Variants in EID2 observed in about 807,000 individuals in gnomAD.
EID2 encodes EP300 interacting inhibitor of differentiation 2.
In EID2, 1 loss-of-function variant was observed where a neutral mutation model predicts 2.6. That is an observed-to-expected ratio of 0.39 (90% CI 0.14 to 1.85). The LOEUF is 1.85. EID2 is among the 40% of genes most tolerant of loss of function. EID2 has a pLI of 0.32. For missense variants in EID2, 285 were observed against 338.4 expected, an observed-to-expected ratio of 0.84 and a Z score of 1.24; for synonymous variants, 126 against 147.2, an observed-to-expected ratio of 0.86 and a Z score of 1.04.
Position 39,539,288 on chromosome 19 carries a change from A to G in EID2, c.*81T>C. ...CCTGTGCACTGTCTTATCGCGATAT[A>G]CTCTTGACTTCTGAAAATCAAGTTG... is the stretch of plus-strand genomic sequence containing the variant. On this transcript the variant is annotated 3_prime_UTR_variant, in exon 1 of 1. Transcript: ENST00000390658. The G allele has an allele frequency of 7.6e-7, 1 of 1,318,260 alleles. No individual in the cohort carries two copies. The highest frequency in any genetic ancestry group is 1.3e-5 in the South Asian group (1 of 75,826). 81.7% of individuals were successfully genotyped at this position (1,318,260 alleles called of 1,614,324 possible). A position where few individuals can be genotyped will look rare whatever the true frequency, so the allele number is the denominator to read the frequency against.
In EID2 at chr19:39,539,095, C is replaced by G. The variant is rs1972051994; in HGVS notation, c.*274G>C. ...CTCAATTTTATAAAACCATCCTTTA[C>G]TTTGTAATAAAGCAATGCTGAGAGA... On this transcript the variant is annotated 3_prime_UTR_variant, in exon 1 of 1. Transcript: ENST00000390658. 2.8e-6 allele frequency: 1 copy of G among 352,454 alleles called. No homozygotes were observed. The highest frequency in any genetic ancestry group is 5.2e-6 in the Non-Finnish European group (1 of 191,400). The allele number at this position is 352,454 out of a possible 1,614,324, so 21.8% of individuals were successfully genotyped here.
At position 39,540,071 on chromosome 19, in the gene EID2, C is replaced by T. The variant is rs1482051554; in HGVS notation, c.9G>A (p.Lys3=). 1.9e-6 allele frequency: 3 copies of T among 1,596,140 alleles called. No homozygotes were observed. Among genetic ancestry groups the T allele is most frequent in the Non-Finnish European group, 2.6e-6 (3 of 1,174,874 alleles). Residue 3 remains lysine, a synonymous_variant, in exon 1 of 1, where the codon AAG becomes AAA. Transcript: ENST00000390658. ...GCGGGACACTGCTGTCTGCGGGCAG[C>T]TTGGACATCTCAGACCGTGGGGTCA... MS[K]LPADSSVPQT...
In EID2 at chr19:39,539,798, GCTTTCC is replaced by G. The variant is rs1972062712; in HGVS notation, c.276_281del (p.Arg92_Glu93del). On this transcript the variant is annotated inframe_deletion, in exon 1 of 1. Transcript: ENST00000390658. ...CTTCCCTGGCCGCCGCCGCCGCCGG[GCTTTCC>G]CTGCCCGCCGCGGCTGCCCTGGCCA... 6.3e-7 allele frequency: 1 copy of G among 1,583,608 alleles called. No homozygotes were observed. Among genetic ancestry groups the G allele is most frequent in the African/African-American group, 1.4e-5 (1 of 74,062 alleles).
rs769119346 is a variant in EID2, at chr19:39,540,119, T to C, written c.-40A>G. 1.9e-6 allele frequency: 3 copies of C among 1,582,454 alleles called. No individual in the cohort carries two copies. The highest frequency in any genetic ancestry group is 1.7e-6 in the Non-Finnish European group (2 of 1,165,982). The stretch of plus-strand genomic sequence containing the variant: ...TCAACTCGGCTGCTCCCAGAGAAAC[T>C]GGAATAACTGGACAGAGCGATGCCC... On this transcript the variant is annotated 5_prime_UTR_variant, in exon 1 of 1. Transcript: ENST00000390658.
chr19:39,539,869 C>T lies in EID2; in HGVS notation c.211G>A (p.Ala71Thr). ...GRMAAARAAP[A>T]AAARGAPVAA... Reference sequence around the variant, plus strand: ...ACCGGGGCTCCCCTGGCTGCCGCCGCCGGGGCTGCCCTGGCCGCCGCCATC... The same window carrying T: ...ACCGGGGCTCCCCTGGCTGCCGCCGTCGGGGCTGCCCTGGCCGCCGCCATC... Residue 71 changes from alanine to threonine, a missense_variant, in exon 1 of 1, where the codon GCG (alanine) becomes ACG (threonine). Transcript: ENST00000390658. 1 of 1,316,272 alleles carries T rather than the reference C, an allele frequency of 7.6e-7. No individual in the cohort carries two copies. The highest frequency in any genetic ancestry group is 9.6e-7 in the Non-Finnish European group (1 of 1,038,712). 81.5% of individuals were successfully genotyped at this position (1,316,272 alleles called of 1,614,324 possible). A position where few individuals can be genotyped will look rare whatever the true frequency, so the allele number is the denominator to read the frequency against.
chr19:39,539,897 A>G lies in EID2; in HGVS notation c.183T>C (p.Gly61=), dbSNP rs981652286. 1 of 1,410,606 alleles carries G rather than the reference A, an allele frequency of 7.1e-7. No individual in the cohort carries two copies. The highest frequency in any genetic ancestry group is 1.5e-5 in the South Asian group (1 of 67,764). The allele number at this position is 1,410,606 out of a possible 1,614,324, so 87.4% of individuals were successfully genotyped here. The change falls in exon 1 of 1, where the codon GGT becomes GGC. Residue 61 remains glycine (G), a synonymous_variant. Coordinates refer to ENST00000390658, the MANE Select transcript of EID2 (RefSeq NM_153232.4). The part of the protein sequence containing the change: ...RGGPVPAARE[G]RMAAARAAPA... ...GGGCTGCCCTGGCCGCCGCCATCCG[A>G]CCTTCCCTGGCCGCCGGCACCGGGC... is the stretch of plus-strand genomic sequence containing the variant.
chr19:39,539,431 A>C lies in EID2; in HGVS notation c.649T>G (p.Ser217Ala), dbSNP rs1160660599. ...ILTFTIALTA[S>A]EVINPLIEEL... ...TCTATCAGAGGGTTGATAACTTCAGAGGCAGTCAGAGCTATCGTAAAGGTT... is the reference window on the plus strand; with the variant it reads ...TCTATCAGAGGGTTGATAACTTCAGCGGCAGTCAGAGCTATCGTAAAGGTT... Residue 217 changes from serine (S) to alanine (A), a missense_variant, in exon 1 of 1, where the codon TCT (serine) becomes GCT (alanine). Transcript: ENST00000390658. 6.2e-7 allele frequency: 1 copy of C among 1,614,222 alleles called. No homozygotes were observed. Among genetic ancestry groups the C allele is most frequent in the Admixed American group, 1.7e-5 (1 of 60,022 alleles).
At position 39,539,114 on chromosome 19, in the gene EID2, TGA is replaced by T; in HGVS notation, c.*253_*254del. ...CCTTTACTTTGTAATAAAGCAATGC[TGA>T]GAGACATTTTCCATAATGCAGGGGG... is the stretch of plus-strand genomic sequence containing the variant. On this transcript the variant is annotated 3_prime_UTR_variant, in exon 1 of 1. Coordinates refer to ENST00000390658, the MANE Select transcript of EID2 (RefSeq NM_153232.4). The T allele has an allele frequency of 2.4e-6, 1 of 424,942 alleles. No individual in the cohort carries two copies. The highest frequency in any genetic ancestry group is 4.3e-6 in the Non-Finnish European group (1 of 234,812). 26.3% of individuals were successfully genotyped at this position (424,942 alleles called of 1,614,324 possible). A position where few individuals can be genotyped will look rare whatever the true frequency, so the allele number is the denominator to read the frequency against.
At position 39,539,346 on chromosome 19, in the gene EID2, C is replaced by T. The variant is rs8105143; in HGVS notation, c.*23G>A. Reference sequence around the variant, plus strand: ...GGTATGACTGGAATGCAGAGGTTCTCTTGAAGTAGTGTCACCACATAACTA... The same window carrying T: ...GGTATGACTGGAATGCAGAGGTTCTTTTGAAGTAGTGTCACCACATAACTA... On this transcript the variant is annotated 3_prime_UTR_variant, in exon 1 of 1. Coordinates refer to ENST00000390658, the MANE Select transcript of EID2 (RefSeq NM_153232.4). 4,988 of 1,596,100 alleles carry T rather than the reference C, an allele frequency of 3.1e-3. 150 individuals are homozygous for T. The African/African-American group carries it at 0.06, about 19-fold the overall frequency.
In EID2 at chr19:39,539,325, T is replaced by C; in HGVS notation, c.*44A>G. 1 of 1,546,834 alleles carries C rather than the reference T, an allele frequency of 6.5e-7. No homozygotes were observed. The highest frequency in any genetic ancestry group is 8.9e-7 in the Non-Finnish European group (1 of 1,124,984). On this transcript the variant is annotated 3_prime_UTR_variant, in exon 1 of 1. Transcript: ENST00000390658. The stretch of plus-strand genomic sequence containing the variant: ...TGAAAATCAAGTTGCAGGATTGGTA[T>C]GACTGGAATGCAGAGGTTCTCTTGA...
rs1453624245 is a variant in EID2 at position 39,539,304 on chromosome 19, A to C, written c.*65T>G. 1 of 1,467,812 alleles carries C rather than the reference A, an allele frequency of 6.8e-7. No individual in the cohort carries two copies. Among genetic ancestry groups the C allele is most frequent in the African/African-American group, 1.4e-5 (1 of 71,368 alleles). The allele number at this position is 1,467,812 out of a possible 1,614,324, so 90.9% of individuals were successfully genotyped here. On this transcript the variant is annotated 3_prime_UTR_variant, in exon 1 of 1. Transcript: ENST00000390658. ...TCGCGATATACTCTTGACTTCTGAA[A>C]ATCAAGTTGCAGGATTGGTATGACT...
rs772553675 is a variant in EID2, at chr19:39,540,035, C to T, written c.45G>A (p.Ala15=). The part of the protein sequence containing the change: ...PADSSVPQTG[A]ANGDRDVPQA... ...GCGGGACGTCTCTGTCACCATTCGC[C>T]GCGCCTGTCTGCGGGACACTGCTGT... The change falls in exon 1 of 1, where the codon GCG becomes GCA. Residue 15 remains alanine (A), a synonymous_variant. Coordinates refer to ENST00000390658, the MANE Select transcript of EID2 (RefSeq NM_153232.4). The T allele has an allele frequency of 6.3e-7, 1 of 1,596,696 alleles. No homozygotes were observed. Among genetic ancestry groups the T allele is most frequent in the Admixed American group, 1.7e-5 (1 of 59,856 alleles).
rs983336566 is a variant in EID2 at position 39,539,997 on chromosome 19, C to T, written c.83G>A (p.Gly28Asp). The change falls in exon 1 of 1, where the codon GGC (glycine) becomes GAC (aspartate). Residue 28 changes from glycine to aspartate, a missense_variant. Coordinates refer to ENST00000390658, the MANE Select transcript of EID2 (RefSeq NM_153232.4). Reference protein sequence around the residue: ...GDRDVPQAEVGRGRREPAPAQ... With the variant: ...GDRDVPQAEVDRGRREPAPAQ... ...CGGGGCCGGCTCCCGCCTCCCGCGG[C>T]CTACCTCCGCCTGCGGGACGTCTCT... 14 of 1,590,346 alleles carry T rather than the reference C, an allele frequency of 8.8e-6. No individual in the cohort carries two copies. The Admixed American group carries it at 1.8e-4, about 21-fold the overall frequency.
rs61744756 is a variant in EID2 at position 39,539,572 on chromosome 19, T to G, written c.508A>C (p.Arg170=). 1,862 of 1,614,256 alleles carry G rather than the reference T, an allele frequency of 1.2e-3. 1 individual carries two copies. Among genetic ancestry groups the G allele is most frequent in the Non-Finnish European group, 1.5e-3 (1,728 of 1,180,040 alleles). Residue 170 remains arginine, a synonymous_variant, in exon 1 of 1, where the codon AGA becomes CGA. Coordinates refer to ENST00000390658, the MANE Select transcript of EID2 (RefSeq NM_153232.4). The stretch of plus-strand genomic sequence containing the variant: ...CGGCGTTCTTCAAGCTCTTGTATTC[T>G]GCCGGGAGCAATCGGGTAATTTTCC... The part of the protein sequence containing the change: ...YLENYPIAPG[R]IQELEERRRR...
Position 39,539,426 on chromosome 19 carries a change from TTCAGAGGCAG to T in EID2, c.644_653del (p.Thr215LysfsTer6). 6.2e-7 allele frequency: 1 copy of T among 1,614,228 alleles called. No individual in the cohort carries two copies. Among genetic ancestry groups the T allele is most frequent in the Non-Finnish European group, 8.5e-7 (1 of 1,180,052 alleles). Reference sequence around the variant, plus strand: ...GTTCTTCTATCAGAGGGTTGATAACTTCAGAGGCAGTCAGAGCTATCGTAAAGGTTAAAAT... The same window carrying T: ...GTTCTTCTATCAGAGGGTTGATAACTTCAGAGCTATCGTAAAGGTTAAAAT... On this transcript the variant is annotated frameshift_variant, in exon 1 of 1. Coordinates refer to ENST00000390658, the MANE Select transcript of EID2 (RefSeq NM_153232.4). LOFTEE classifies it high-confidence loss of function.
rs780008791 is a variant in EID2, at chr19:39,539,980, G to C, written c.100C>G (p.Pro34Ala). Residue 34 changes from proline (P) to alanine (A), a missense_variant, in exon 1 of 1, where the codon CCG (proline) becomes GCG (alanine). Transcript: ENST00000390658. Reference sequence around the variant, plus strand: ...GCCTCCTCAGGCTGTGCCGGGGCCGGCTCCCGCCTCCCGCGGCCTACCTCC... The same window carrying C: ...GCCTCCTCAGGCTGTGCCGGGGCCGCCTCCCGCCTCCCGCGGCCTACCTCC... Reference protein sequence around the residue: ...QAEVGRGRREPAPAQPEEAGE... With the variant: ...QAEVGRGRREAAPAQPEEAGE... 1.8e-5 allele frequency: 28 copies of C among 1,583,762 alleles called. No homozygotes were observed. Among genetic ancestry groups the C allele is most frequent in the Non-Finnish European group, 1.7e-6 (2 of 1,174,196 alleles).
chr19:39,540,003 T>A lies in EID2; in HGVS notation c.77A>T (p.Glu26Val), dbSNP rs749543194. Reference sequence around the variant, plus strand: ...CGGCTCCCGCCTCCCGCGGCCTACCTCCGCCTGCGGGACGTCTCTGTCACC... The same window carrying A: ...CGGCTCCCGCCTCCCGCGGCCTACCACCGCCTGCGGGACGTCTCTGTCACC... ...ANGDRDVPQA[E>V]VGRGRREPAP... is the part of the protein sequence containing the mutation. Residue 26 changes from glutamate to valine, a missense_variant, in exon 1 of 1, where the codon GAG becomes GTG. Glu to Val is a moderately radical substitution (Grantham distance 121, BLOSUM62 -2). Coordinates refer to ENST00000390658, the MANE Select transcript of EID2 (RefSeq NM_153232.4). 3 of 1,591,648 alleles carry A rather than the reference T, an allele frequency of 1.9e-6. No individual in the cohort carries two copies. In the African/African-American group the frequency reaches 4.1e-5, roughly 22 times the overall value.
Position 39,539,693 on chromosome 19 carries a change from G to T in EID2, c.387C>A (p.His129Gln). The T allele has an allele frequency of 6.2e-7, 1 of 1,614,130 alleles. No individual in the cohort carries two copies. Among genetic ancestry groups the T allele is most frequent in the African/African-American group, 1.3e-5 (1 of 75,070 alleles). ...EGPEGRPRSR[H>Q]GNGGLAALPY... ...GCAACGCAGCCAGGCCTCCGTTCCC[G>T]TGTCTGGACCTGGGCCTGCCCTCGG... is the stretch of plus-strand genomic sequence containing the variant. The change falls in exon 1 of 1, where the codon CAC becomes CAA. Residue 129 changes from histidine (H) to glutamine (Q), a missense_variant. Transcript: ENST00000390658.
chr19:39,539,154 C>A lies in EID2; in HGVS notation c.*215G>T. On this transcript the variant is annotated 3_prime_UTR_variant, in exon 1 of 1. Coordinates refer to ENST00000390658, the MANE Select transcript of EID2 (RefSeq NM_153232.4). The stretch of plus-strand genomic sequence containing the variant: ...ATAATGCAGGGGGAAAAATGTGGAT[C>A]AATCACAAACTCAAAGAACGTTACA... The A allele has an allele frequency of 2.0e-6, 1 of 494,338 alleles. No homozygotes were observed. The highest frequency in any genetic ancestry group is 3.6e-6 in the Non-Finnish European group (1 of 278,752). The allele number at this position is 494,338 out of a possible 1,614,324, so 30.6% of individuals were successfully genotyped here.
Sources: gnomAD v4.1 joint callset for allele counts on GRCh38, gnomAD v4.1.1 for gene constraint, MANE v1.5 for transcripts, NCBI Gene and HGNC (gene_info 2026-07-23, HGNC 2026-07-21) for gene names.